AUTS2: variants seen among roughly 807,000 people sequenced by gnomAD.
AUTS2 encodes activator of transcription and developmental regulator AUTS2.
AUTS2 carries 17 observed loss-of-function variants against 112.4 expected under a neutral mutation model. That is an observed-to-expected ratio of 0.15 (90% CI 0.10 to 0.23). The LOEUF (loss-of-function observed/expected upper bound fraction) is 0.23, where lower values mean the gene tolerates loss of function less well. Ranked by LOEUF, AUTS2 falls within the 10% of genes least tolerant of loss-of-function variation. AUTS2 has a pLI of 1.00. For synonymous variants in AUTS2, 751 were observed against 702.7 expected, an observed-to-expected ratio of 1.07 and a Z score of -1.09; for missense variants, 1,510 against 1,701.6, an observed-to-expected ratio of 0.89 and a Z score of 1.98.
intron 2 of AUTS2, among the ~76,000 whole-genome samples, chr7:70,065,919 A>C (rs1802469126): frequency 6.6e-6 from 1 of 151,902 alleles, no homozygotes; most frequent in Non-Finnish European, 1.5e-5. Flanking sequence ...TGTTGTTCAG[A>C]CTGGTCTCAA....
chr7:69,714,855 CT>C (rs1458297021), intron 1 of AUTS2, among the ~76,000 whole-genome samples: 3 of 151,950 alleles, frequency 2.0e-5, no homozygotes, highest in African/African-American at 7.3e-5. Flanking sequence ...TTATTTTGGT[CT>C]TTCTGTAAAT....
chr7:69,673,064 T>G (rs1175687184), intron 1 of AUTS2, among the ~76,000 whole-genome samples: 1 of 152,242 alleles, frequency 6.6e-6, no homozygotes, highest in African/African-American at 2.4e-5. Flanking sequence ...CAAATCATGG[T>G]AAATGCTTTC....
chr7:69,744,180 A>G (rs1346066728), intron 1 of AUTS2, among the ~76,000 whole-genome samples: 3 of 152,084 alleles, frequency 2.0e-5, no homozygotes, highest in Non-Finnish European at 4.4e-5. Context: ...CCACTGTTGA[A>G]TGTACTACAG....
Position 69,960,844 on chromosome 7 carries a change from A to T in AUTS2, c.522+61346A>T, listed in dbSNP as rs541656164. 5.3e-5 allele frequency among the ~76,000 whole-genome samples: 8 copies of T among 152,074 alleles called. No individual in the cohort carries two copies. The South Asian group carries it at 1.7e-3, about 32-fold the overall frequency. Reference sequence around the variant, plus strand: ...CAGAAGTTGTTCTTGTCCACTTTTAATCCCTCTTACTGCTTTCTAGGTGCT... The same window carrying T: ...CAGAAGTTGTTCTTGTCCACTTTTATTCCCTCTTACTGCTTTCTAGGTGCT... On this transcript the variant is annotated intron_variant, in intron 2 of 18. Transcript: ENST00000342771.
chr7:69,664,321 G>A (rs1795933681), intron 1 of AUTS2, among the ~76,000 whole-genome samples: 1 of 152,142 alleles, frequency 6.6e-6, no homozygotes, highest in Admixed American at 6.5e-5. Flanking sequence ...TAGGAGCTTA[G>A]TATGCATATT....
chr7:70,666,800 C>T (rs1807373519), intron 5 of AUTS2, among the ~76,000 whole-genome samples: 1 of 151,916 alleles, frequency 6.6e-6, no homozygotes. Flanking sequence ...CTGCTATAGT[C>T]TTTTTGATGG....
chr7:70,768,877 C>CTTTTTTTTTTTTTTT (rs66614263), intron 10 of AUTS2, among the ~76,000 whole-genome samples: 1 of 108,218 alleles, frequency 9.2e-6, no homozygotes. Flanking sequence ...CCAGTGATTT[C>CTTTTTTTTTTTTTTT]TTTTTTTTTT....
rs190195416 is a variant in AUTS2, at chr7:70,460,277, G to A, written c.690+24496G>A. 1.3e-4 allele frequency among the ~76,000 whole-genome samples: 19 copies of A among 150,826 alleles called. No individual in the cohort carries two copies. The East Asian group carries it at 3.3e-3, about 27-fold the overall frequency. On this transcript the variant is annotated intron_variant, in intron 5 of 18. Transcript: ENST00000342771. ...TTCCCGGAAGTAGTGGAAGCGGACC[G>A]TGTCCTGAGAGGTCCCCAGCCCGAG...
chr7:69,936,768 G>A (rs1309496194), intron 2 of AUTS2, among the ~76,000 whole-genome samples: 1 of 152,136 alleles, frequency 6.6e-6, no homozygotes, highest in Non-Finnish European at 1.5e-5. Flanking sequence ...GACATCAGTG[G>A]TAAATACAGT....
rs1171442779 is a variant in AUTS2 at position 70,631,203 on chromosome 7, A to T, written c.691-67366A>T. Reference sequence around the variant, plus strand: ...ACGATTAAAATGTCAGCACAGGATGACGAAGGGGCCAAGAGGGTCCTCAGA... The same window carrying T: ...ACGATTAAAATGTCAGCACAGGATGTCGAAGGGGCCAAGAGGGTCCTCAGA... On this transcript the variant is annotated intron_variant, in intron 5 of 18. Transcript: ENST00000342771. This position sits in a 1 kb window ranked among gnomAD's most constrained non-coding sequence, Gnocchi z 4.5. 6.6e-6 allele frequency among the ~76,000 whole-genome samples: 1 copy of T among 152,180 alleles called. No homozygotes were observed. Among genetic ancestry groups the T allele is most frequent in the Non-Finnish European group, 1.5e-5 (1 of 68,034 alleles).
chr7:69,664,349 A>G (rs979080785), intron 1 of AUTS2, among the ~76,000 whole-genome samples: 1 of 152,206 alleles, frequency 6.6e-6, no homozygotes, highest in Non-Finnish European at 1.5e-5. Context: ...ACATATTAGC[A>G]TTCATTAAGT....
At chr7:70,203,350 A>AAT (rs1427728501) in intron 4 of AUTS2, among the ~76,000 whole-genome samples, 1 of 147,314 alleles carries the variant, frequency 6.8e-6, no homozygotes, top group Non-Finnish European at 1.5e-5. Flanking sequence ...ATAATAAAAA[A>AAT]AAAAAAAAAA....
chr7:70,459,419 A>G (rs1210682534), intron 5 of AUTS2, among the ~76,000 whole-genome samples: 3 of 152,296 alleles, frequency 2.0e-5, no homozygotes, highest in Non-Finnish European at 4.4e-5. Context: ...TTTCTCTCCA[A>G]AGTTCCTAGC....
At chr7:70,138,881 G>C (rs1309440010) in intron 4 of AUTS2, among the ~76,000 whole-genome samples, 1 of 152,202 alleles carries the variant, frequency 6.6e-6, no homozygotes, top group African/African-American at 2.4e-5. Flanking sequence ...AAAGGTCATA[G>C]TGGGAATATT....
At chr7:70,561,692 G>A (rs569893784) in intron 5 of AUTS2, among the ~76,000 whole-genome samples, 1 of 152,194 alleles carries the variant, frequency 6.6e-6, no homozygotes, top group African/African-American at 2.4e-5. Context: ...CTACAAGCAT[G>A]GTATCTCCAC....
At chr7:69,916,705 C>G (rs984680749) in intron 2 of AUTS2, among the ~76,000 whole-genome samples, 1 of 152,176 alleles carries the variant, frequency 6.6e-6, no homozygotes, top group Non-Finnish European at 1.5e-5. Context: ...CTCTTCCCCC[C>G]ATTCTTACAT....
chr7:69,906,014 A>T (rs574617233), intron 2 of AUTS2, among the ~76,000 whole-genome samples: 3 of 152,282 alleles, frequency 2.0e-5, no homozygotes, highest in Admixed American at 6.5e-5. Context: ...GGGCCATTTA[A>T]ATCCCATATA....
intron 4 of AUTS2, among the ~76,000 whole-genome samples, chr7:70,219,650 C>T (rs1273091642): frequency 1.3e-5 from 2 of 151,146 alleles, no homozygotes; most frequent in East Asian, 3.9e-4. Context: ...TGGCTCACTG[C>T]AGCCTCTGCC....
chr7:70,397,596 A>G (rs941627604), intron 4 of AUTS2, among the ~76,000 whole-genome samples: 2 of 151,912 alleles, frequency 1.3e-5, no homozygotes, highest in Non-Finnish European at 2.9e-5. Flanking sequence ...GAAATAATCT[A>G]AAATAAAAAT....
Sources: allele counts gnomAD v4.1 joint callset (sites outside exome capture counted in the v4.1 genomes callset), GRCh38; gene constraint gnomAD v4.1.1; non-coding constraint Gnocchi (gnomAD v3.1); transcripts MANE v1.5; gene names NCBI Gene and HGNC (gene_info 2026-07-23, HGNC 2026-07-21).